The following GRK3 variants were observed in gnomAD, a reference collection of about 807,000 sequenced individuals.
GRK3 encodes G protein-coupled receptor kinase 3.
GRK3 carries 54 observed loss-of-function variants against 95.7 expected under a neutral mutation model. That is an observed-to-expected ratio of 0.56 (90% CI 0.45 to 0.71). The LOEUF (loss-of-function observed/expected upper bound fraction) is 0.71. Among genes scored for constraint, GRK3 ranks in the 30% least tolerant of loss-of-function variants. GRK3 has a pLI of 0.00. For missense variants in GRK3, 649 were observed against 851.2 expected, an observed-to-expected ratio of 0.76 and a Z score of 2.96; for synonymous variants, 281 against 290.8, an observed-to-expected ratio of 0.97 and a Z score of 0.34.
chr22:25,694,508 G>C (rs1474390855), intron 12 of GRK3, among the ~76,000 whole-genome samples: 1 of 152,206 alleles, frequency 6.6e-6, no homozygotes, highest in African/African-American at 2.4e-5. Context: ...TTAGTGCTGA[G>C]TCCTTTTGAC....
chr22:25,667,245 T>C (rs2084948286), intron 5 of GRK3, among the ~76,000 whole-genome samples: 1 of 152,226 alleles, frequency 6.6e-6, no homozygotes, highest in Admixed American at 6.5e-5. Context: ...TTCATGGACC[T>C]ATTAGCTTTG....
rs577219054 is a variant in GRK3, at chr22:25,610,925, G to A, written c.190+6472G>A. On this transcript the variant is annotated intron_variant, in intron 2 of 20. Coordinates refer to ENST00000324198, the MANE Select transcript of GRK3 (RefSeq NM_005160.4). ...TACCCAAGCTGGAGTGCAGTAGCTC[G>A]ATCTCTGTTCACTGCAACCTCCGCC... 2.6e-5 allele frequency among the ~76,000 whole-genome samples: 4 copies of A among 152,144 alleles called. No individual in the cohort carries two copies. The South Asian group carries it at 6.2e-4, about 24-fold the overall frequency.
rs1480336216 is a variant in GRK3 at position 25,725,516 on chromosome 22, TC to T, written c.*3068del. ...TCATGTCATGGGGGCTCATTGGTTTTCCTTCTTTGTCATATTTAAGTATGAT... is the reference window on the plus strand; with the variant it reads ...TCATGTCATGGGGGCTCATTGGTTTTCTTCTTTGTCATATTTAAGTATGAT... On this transcript the variant is annotated 3_prime_UTR_variant, in exon 21 of 21. Transcript: ENST00000324198. 3.0e-5 allele frequency: 12 copies of T among 398,518 alleles called. No homozygotes were observed. Among genetic ancestry groups the T allele is most frequent in the African/African-American group, 1.6e-4 (8 of 48,636 alleles). The allele number at this position is 398,518 out of a possible 1,614,324, so 24.7% of individuals were successfully genotyped here. A position where few individuals can be genotyped will look rare whatever the true frequency, so the allele number is the denominator to read the frequency against.
At chr22:25,579,613 C>T (rs1034556378) in intron 1 of GRK3, among the ~76,000 whole-genome samples, 2 of 152,084 alleles carry the variant, frequency 1.3e-5, no homozygotes, top group South Asian at 4.2e-4. Flanking sequence ...GCTGGGACTA[C>T]AGGCACCCAC....
chr22:25,577,237 A>ATC (rs1421662766), intron 1 of GRK3, among the ~76,000 whole-genome samples: 1 of 150,152 alleles, frequency 6.7e-6, no homozygotes, highest in Non-Finnish European at 1.5e-5. Flanking sequence ...CAGCGGTGTG[A>ATC]TCTCGGCTCA....
At chr22:25,715,969 A>T (rs2085380792) in intron 18 of GRK3, among the ~76,000 whole-genome samples, 1 of 152,114 alleles carries the variant, frequency 6.6e-6, no homozygotes, top group Non-Finnish European at 1.5e-5. Flanking sequence ...CTGCAGGGAC[A>T]CATAGCCTTT....
At chr22:25,667,221 A>T (rs551900124) in intron 5 of GRK3, among the ~76,000 whole-genome samples, 1 of 147,110 alleles carries the variant, frequency 6.8e-6, no homozygotes, top group East Asian at 1.9e-4. Flanking sequence ...ATAGCTAATT[A>T]AAAAAAATTT....
intron 2 of GRK3, among the ~76,000 whole-genome samples, chr22:25,612,534 G>GTT (rs1245482582): frequency 6.6e-6 from 1 of 151,976 alleles, no homozygotes; most frequent in African/African-American, 2.4e-5. Context: ...GTGTGTGTGT[G>GTT]TATTCCTTAG....
intron 4 of GRK3, among the ~76,000 whole-genome samples, chr22:25,662,246 T>G (rs1373216889): frequency 6.6e-6 from 1 of 152,246 alleles, no homozygotes; most frequent in Non-Finnish European, 1.5e-5. Flanking sequence ...ATGTAATATC[T>G]CTATATTAGG....
chr22:25,686,645 C>A (rs974408128), intron 10 of GRK3, among the ~76,000 whole-genome samples: 1 of 152,176 alleles, frequency 6.6e-6, no homozygotes, highest in Non-Finnish European at 1.5e-5. Context: ...TGACAGCATT[C>A]TCTGTCTGTG....
chr22:25,602,208 A>G (rs1257191578), intron 1 of GRK3, among the ~76,000 whole-genome samples: 5 of 152,260 alleles, frequency 3.3e-5, no homozygotes, highest in Non-Finnish European at 7.3e-5. Context: ...ATAATCATGT[A>G]CAAACATGCT....
chr22:25,613,888 A>G (rs1385161097), intron 2 of GRK3, among the ~76,000 whole-genome samples: 4 of 151,456 alleles, frequency 2.6e-5, no homozygotes, highest in African/African-American at 7.3e-5. Flanking sequence ...AACCAGTTCT[A>G]TGGGAAAATT....
intron 6 of GRK3, among the ~76,000 whole-genome samples, chr22:25,669,189 C>G (rs916005171): frequency 6.6e-6 from 1 of 152,040 alleles, no homozygotes; most frequent in Non-Finnish European, 1.5e-5. Flanking sequence ...ACTGGGCACA[C>G]GAAGGGCCCC....
At chr22:25,718,823 C>T (rs1337770702) in intron 19 of GRK3, among the ~76,000 whole-genome samples, 1 of 152,150 alleles carries the variant, frequency 6.6e-6, no homozygotes, top group East Asian at 1.9e-4. Flanking sequence ...TGCAGTCAGC[C>T]CTCCATATCC....
intron 2 of GRK3, among the ~76,000 whole-genome samples, chr22:25,613,287 A>C (rs2092190): frequency 0.013 from 1,940 of 148,748 alleles, 23 homozygotes; most frequent in Middle Eastern, 0.047. Context: ...CTCCCCTGAC[A>C]GATCCCCTGA....
Position 25,660,392 on chromosome 22 carries a change from T to C in GRK3, c.265-1184T>C, listed in dbSNP as rs1441686204. ...CTTCCCCAGTCTGCCTGCCTTTATG[T>C]CAGGTTTTATTGTCTTCTTCAAGAA... On this transcript the variant is annotated intron_variant, in intron 3 of 20. Coordinates refer to ENST00000324198, the MANE Select transcript of GRK3 (RefSeq NM_005160.4). 2.0e-5 allele frequency among the ~76,000 whole-genome samples: 3 copies of C among 152,292 alleles called. No individual in the cohort carries two copies. In the East Asian group the frequency reaches 5.8e-4, roughly 29 times the overall value.
At chr22:25,657,955 T>G (rs1167611729) in intron 3 of GRK3, among the ~76,000 whole-genome samples, 3 of 152,212 alleles carry the variant, frequency 2.0e-5, no homozygotes, top group African/African-American at 7.2e-5. Context: ...TCTTTTGGCA[T>G]CTCTAATCTG....
At chr22:25,636,499 A>C (rs2084702666) in intron 2 of GRK3, among the ~76,000 whole-genome samples, 1 of 152,240 alleles carries the variant, frequency 6.6e-6, no homozygotes, top group Admixed American at 6.5e-5. Context: ...CACTGTAAAT[A>C]GTTTCCGAAC....
chr22:25,674,912 A>T (rs2085015029), intron 8 of GRK3, among the ~76,000 whole-genome samples: 1 of 152,050 alleles, frequency 6.6e-6, no homozygotes, highest in Admixed American at 6.6e-5. Context: ...TTGCCACTGC[A>T]CTCTAGCCTG....
Sources: allele counts gnomAD v4.1 joint callset (sites outside exome capture counted in the v4.1 genomes callset), GRCh38; gene constraint gnomAD v4.1.1; transcripts MANE v1.5; gene names NCBI Gene and HGNC (gene_info 2026-07-23, HGNC 2026-07-21).